AP3S1: variants seen among roughly 807,000 people sequenced by gnomAD.
AP3S1 encodes the protein AP-3 complex subunit sigma-1.
A neutral mutation model predicts 21.3 loss-of-function variants in AP3S1; 12 were observed. The observed-to-expected ratio is 0.56, with a 90% CI of 0.36 to 0.91. The LOEUF is 0.91. Among genes scored for constraint, AP3S1 ranks in the 40% least tolerant of loss-of-function variants. AP3S1 has a pLI of 0.01. For missense variants in AP3S1, 116 were observed against 225.0 expected, an observed-to-expected ratio of 0.52 and a Z score of 3.10; for synonymous variants, 48 against 78.4, an observed-to-expected ratio of 0.61 and a Z score of 2.05.
intron 1 of AP3S1, among the ~76,000 whole-genome samples, chr5:115,857,151 TA>T (rs1306926400): frequency 1.1e-4 from 16 of 152,192 alleles, no homozygotes; most frequent in African/African-American, 3.9e-4. Flanking sequence ...TGATAAGCAG[TA>T]ATATAATACA....
intron 4 of AP3S1, among the ~76,000 whole-genome samples, chr5:115,902,545 CTT>C (rs1159353610): frequency 2.0e-5 from 3 of 152,078 alleles, no homozygotes; most frequent in African/African-American, 7.2e-5. Context: ...TAGTATTAAA[CTT>C]CACATAATAA....
chr5:115,861,724 T>C (rs546188861), intron 1 of AP3S1, among the ~76,000 whole-genome samples: 17 of 151,898 alleles, frequency 1.1e-4, no homozygotes, highest in Non-Finnish European at 2.4e-4. Context: ...CTGGGTAATT[T>C]TTTGTAGAGA....
At chr5:115,851,829 G>A (rs1335148841) in intron 1 of AP3S1, among the ~76,000 whole-genome samples, 2 of 151,846 alleles carry the variant, frequency 1.3e-5, no homozygotes, top group African/African-American at 2.4e-5. Flanking sequence ...TTTAACTTAC[G>A]TTTTTGTTGT....
At chr5:115,842,424 C>G (rs1409393546) in intron 1 of AP3S1, 1 of 253,098 alleles carries the variant, frequency 4.0e-6, no homozygotes, top group Non-Finnish European at 7.5e-6. Flanking sequence ...CAGCCGCAGC[C>G]CAGCCGCGCC....
Position 115,893,995 on chromosome 5 carries a change from T to C in AP3S1, c.274-1092T>C, listed in dbSNP as rs1750538393. Among the ~76,000 whole-genome samples, 4 of 152,170 alleles carry C rather than the reference T, an allele frequency of 2.6e-5. No individual in the cohort carries two copies. The South Asian group carries it at 6.2e-4, about 24-fold the overall frequency. On this transcript the variant is annotated intron_variant, in intron 3 of 5. Coordinates refer to ENST00000316788, the MANE Select transcript of AP3S1 (RefSeq NM_001284.4). ...ACTATGCAAGTTGGAATTTAAGAGA[T>C]TGATTTTTGAAGGTTTGCATCAGAG...
intron 3 of AP3S1, among the ~76,000 whole-genome samples, chr5:115,889,580 G>A (rs141946574): frequency 6.6e-6 from 1 of 152,150 alleles, no homozygotes; most frequent in Non-Finnish European, 1.5e-5. Context: ...GAAAAATTCT[G>A]TTCTTCCAAG....
intron 3 of AP3S1, 131 bp from the exon 4 acceptor site, chr5:115,894,956 A>G (rs1018280102): frequency 3.4e-6 from 2 of 582,788 alleles, no homozygotes; most frequent in Admixed American, 7.1e-5. Context: ...TTGCATTAAT[A>G]CAATTTTTAG....
At chr5:115,878,385 T>C (rs924455907) in intron 3 of AP3S1, among the ~76,000 whole-genome samples, 1 of 152,240 alleles carries the variant, frequency 6.6e-6, no homozygotes, top group Non-Finnish European at 1.5e-5. Context: ...GTATAAGGTG[T>C]AAGGAAGGGG....
intron 1 of AP3S1, among the ~76,000 whole-genome samples, chr5:115,862,847 G>A (rs1763302534): frequency 1.3e-5 from 2 of 152,354 alleles, no homozygotes; most frequent in South Asian, 2.1e-4. Flanking sequence ...CTCCCAAGCA[G>A]CAGAGAAATA....
In AP3S1 at chr5:115,870,080, C is replaced by A; in HGVS notation, c.225C>A (p.Phe75Leu). 1 of 1,609,076 alleles carries A rather than the reference C, an allele frequency of 6.2e-7. No homozygotes were observed. The highest frequency in any genetic ancestry group is 8.5e-7 in the Non-Finnish European group (1 of 1,178,712). Residue 75 changes from phenylalanine to leucine, a missense_variant, in exon 3 of 6, where the codon TTC (phenylalanine) becomes TTA (leucine). Physicochemically the swap from Phe to Leu is conservative, Grantham distance 22. Around this residue, in one of 3 missense-constraint regions of AP3S1, gnomAD observed 65 missense variants for 148.2 expected, o/e 0.44. Coordinates refer to ENST00000316788, the MANE Select transcript of AP3S1 (RefSeq NM_001284.4). ...YRHYATLYFV[F>L]CVDSSESELG... ...ATTATGCAACGTTATATTTTGTCTT[C>A]TGTGTGGATTCTTCAGAAAGTGAAC...
Position 115,889,258 on chromosome 5 carries a change from A to T in AP3S1, c.274-5829A>T, listed in dbSNP as rs148571218. Among the ~76,000 whole-genome samples, 8 of 152,338 alleles carry T rather than the reference A, an allele frequency of 5.3e-5. No individual in the cohort carries two copies. The East Asian group carries it at 1.5e-3, about 29-fold the overall frequency. ...ATGGTCTTCTCATGGTTAAAAAAGT[A>T]TGACTGCAACATATAGGTAATCAAT... On this transcript the variant is annotated intron_variant, in intron 3 of 5. Transcript: ENST00000316788.
At chr5:115,865,569 TGA>T (rs1201520026) in intron 1 of AP3S1, among the ~76,000 whole-genome samples, 1 of 152,200 alleles carries the variant, frequency 6.6e-6, no homozygotes, top group Non-Finnish European at 1.5e-5. Context: ...ACTGGTGAGA[TGA>T]GAGTTTCTTT....
At position 115,899,983 on chromosome 5, in the gene AP3S1, A is replaced by G. The variant is rs1751071935; in HGVS notation, c.346-2902A>G. Among the ~76,000 whole-genome samples, 4 of 152,308 alleles carry G rather than the reference A, an allele frequency of 2.6e-5. No individual in the cohort carries two copies. In the South Asian group the frequency reaches 8.3e-4, roughly 32 times the overall value. On this transcript the variant is annotated intron_variant, in intron 4 of 5. Coordinates refer to ENST00000316788, the MANE Select transcript of AP3S1 (RefSeq NM_001284.4). ...GGAGAGATATATATTAATGGGAAGT[A>G]TAAGCACAGTAGAGTTTCATATTTA... is the stretch of plus-strand genomic sequence containing the variant.
At chr5:115,906,423 A>C (rs1369940038) in intron 5 of AP3S1, among the ~76,000 whole-genome samples, 3 of 152,218 alleles carry the variant, frequency 2.0e-5, no homozygotes, top group Non-Finnish European at 4.4e-5. Flanking sequence ...GAACCAGTTT[A>C]ATTCCCAATA....
At chr5:115,846,537 C>T (rs1236424495) in intron 1 of AP3S1, among the ~76,000 whole-genome samples, 3 of 149,482 alleles carry the variant, frequency 2.0e-5, no homozygotes, top group Non-Finnish European at 3.0e-5. Context: ...AGGAGGAACT[C>T]TAAGATTCTT....
At chr5:115,901,240 G>T (rs929338216) in intron 4 of AP3S1, among the ~76,000 whole-genome samples, 5 of 152,094 alleles carry the variant, frequency 3.3e-5, no homozygotes, top group Non-Finnish European at 7.4e-5. Context: ...CGTATAACAA[G>T]TATGTGCACA....
In AP3S1 at chr5:115,866,665, C is replaced by T; in HGVS notation, c.70-5C>T. ...TCCTAATATATATGAATTATTCTTC[C>T]TCAGAGTGAAGATACACAACAGCAA... is the stretch of plus-strand genomic sequence containing the variant. On this transcript the variant is annotated splice_region_variant and splice_polypyrimidine_tract_variant and intron_variant, in intron 1 of 5. Transcript: ENST00000316788. 1.9e-6 allele frequency: 3 copies of T among 1,574,076 alleles called. No homozygotes were observed. The highest frequency in any genetic ancestry group is 2.6e-6 in the Non-Finnish European group (3 of 1,152,002).
chr5:115,884,849 A>C lies in AP3S1; in HGVS notation c.274-10238A>C, dbSNP rs144501102. On this transcript the variant is annotated intron_variant, in intron 3 of 5. Transcript: ENST00000316788. ...TTTTCCTAGTTTCTGAGGTTATTAC[A>C]TGTTGACTTGAGAGGCCCTGGCCTG... Among the ~76,000 whole-genome samples, 798 of 152,248 alleles carry C rather than the reference A, an allele frequency of 5.2e-3. 5 individuals carry two copies. Among genetic ancestry groups the C allele is most frequent in the Non-Finnish European group, 6.9e-3 (472 of 68,008 alleles).
At chr5:115,842,318 C>T (rs760027439) in intron 1 of AP3S1, among the ~76,000 whole-genome samples, 3 of 152,166 alleles carry the variant, frequency 2.0e-5, no homozygotes, top group East Asian at 1.9e-4. Flanking sequence ...TGGCTTTGCC[C>T]GGGCGGTTCC....
Sources: allele counts gnomAD v4.1 joint callset (sites outside exome capture counted in the v4.1 genomes callset), GRCh38; gene constraint gnomAD v4.1.1; regional missense constraint gnomAD v4.1.1; transcripts MANE v1.5; gene names NCBI Gene and HGNC (gene_info 2026-07-23, HGNC 2026-07-21).